The following RHOBTB3 variants were observed in gnomAD, a reference collection of about 807,000 sequenced individuals.
RHOBTB3 encodes rho-related BTB domain-containing protein 3.
RHOBTB3 carries 47 observed loss-of-function variants against 67.2 expected under a neutral mutation model. The observed-to-expected ratio is 0.70, with a 90% CI of 0.55 to 0.89. The LOEUF (loss-of-function observed/expected upper bound fraction) is 0.89. Ranked by LOEUF, RHOBTB3 falls within the 40% of genes least tolerant of loss-of-function variation. The pLI, the probability that RHOBTB3 is intolerant of heterozygous loss-of-function variation, is 0.00. For missense variants in RHOBTB3, 631 were observed against 750.0 expected (o/e 0.84, Z 1.85); for synonymous variants, 273 against 274.2 (o/e 1.00, Z 0.04).
chr5:95,784,772 C>T (rs1487496349), intron 10 of RHOBTB3, among the ~76,000 whole-genome samples: 3 of 152,200 alleles, frequency 2.0e-5, no homozygotes, highest in South Asian at 2.1e-4. Context: ...CTTATTCCCA[C>T]TTTCTTTCAT....
At chr5:95,734,685 C>T (rs1181863356) in intron 2 of RHOBTB3, among the ~76,000 whole-genome samples, 3 of 152,144 alleles carry the variant, frequency 2.0e-5, no homozygotes, top group Non-Finnish European at 2.9e-5. Context: ...TTTCATTTCA[C>T]GTTTCTATAT....
chr5:95,756,982 G>A lies in RHOBTB3; in HGVS notation c.1048+1221G>A, dbSNP rs539851609. On this transcript the variant is annotated intron_variant, in intron 6 of 11. Coordinates refer to ENST00000379982, the MANE Select transcript of RHOBTB3 (RefSeq NM_014899.4). ...CTTAAAACCTAGCTATTCACTCTTCGGTTTGACTCTTAGGTTTTGTAGGGC... is the reference window on the plus strand; with the variant it reads ...CTTAAAACCTAGCTATTCACTCTTCAGTTTGACTCTTAGGTTTTGTAGGGC... 6.6e-5 allele frequency among the ~76,000 whole-genome samples: 10 copies of A among 152,188 alleles called. No individual in the cohort carries two copies. The South Asian group carries it at 1.0e-3, about 16-fold the overall frequency.
chr5:95,785,983 ACT>A (rs772897361), intron 10 of RHOBTB3, among the ~76,000 whole-genome samples: 2 of 151,806 alleles, frequency 1.3e-5, no homozygotes, highest in African/African-American at 4.8e-5. Context: ...CTGGTTTCTG[ACT>A]CTGTGATTAT....
At chr5:95,733,558 A>G (rs1481011499) in intron 2 of RHOBTB3, among the ~76,000 whole-genome samples, 1 of 152,222 alleles carries the variant, frequency 6.6e-6, no homozygotes, top group Non-Finnish European at 1.5e-5. Flanking sequence ...GTAAAATGAA[A>G]TCTTCCAAAT....
Position 95,723,168 on chromosome 5 carries a change from G to A in RHOBTB3, n.133+5403G>A, listed in dbSNP as rs570791975. 1.5e-4 allele frequency among the ~76,000 whole-genome samples: 22 copies of A among 151,648 alleles called. 1 individual carries two copies. The highest frequency in any genetic ancestry group is 2.1e-4 in the Non-Finnish European group (14 of 67,918). ...ACACATAAACTACACTAACACCAAC[G>A]ATAGCTGATGAACTTAAAAAAAAAA... On this transcript the variant is annotated intron_variant and non_coding_transcript_variant, in intron 1 of 5. Transcript: ENST00000504949.
intron 2 of RHOBTB3, 193 bp downstream of exon 2, chr5:95,732,277 T>C: frequency 3.2e-6 from 2 of 626,366 alleles, no homozygotes; most frequent in South Asian, 3.8e-5. Context: ...AGAACACTCT[T>C]AGGAAGATAG....
chr5:95,760,772 A>C (rs1230149055), intron 6 of RHOBTB3, among the ~76,000 whole-genome samples: 2 of 152,208 alleles, frequency 1.3e-5, no homozygotes, highest in East Asian at 3.8e-4. Flanking sequence ...CTGCTGTATG[A>C]CATTGTGCCT....
intron 3 of RHOBTB3, among the ~76,000 whole-genome samples, chr5:95,741,757 A>G (rs1195581815): frequency 6.6e-6 from 1 of 151,938 alleles, no homozygotes; most frequent in Non-Finnish European, 1.5e-5. Context: ...CAGGCCCTTT[A>G]GTTTGCATAA....
At chr5:95,784,221 A>G (rs1289104649) in intron 10 of RHOBTB3, among the ~76,000 whole-genome samples, 1 of 152,210 alleles carries the variant, frequency 6.6e-6, no homozygotes, top group Non-Finnish European at 1.5e-5. Flanking sequence ...GGCCCTTAGT[A>G]GAGTCATTTG....
intron 1 of RHOBTB3, chr5:95,719,794 T>C (rs569602237): frequency 1.3e-5 from 2 of 152,154 alleles, no homozygotes; most frequent in South Asian, 4.2e-4. Context: ...GAAGAGAAAA[T>C]TTTAGAAAAT....
intron 8 of RHOBTB3, among the ~76,000 whole-genome samples, chr5:95,778,818 C>T (rs1400001815): frequency 6.6e-6 from 1 of 152,214 alleles, no homozygotes; most frequent in Non-Finnish European, 1.5e-5. Context: ...ACTGGTCCTT[C>T]CCGGTGGAGG....
chr5:95,735,177 TG>T, intron 2 of RHOBTB3, among the ~76,000 whole-genome samples: 1 of 152,232 alleles, frequency 6.6e-6, no homozygotes, highest in Non-Finnish European at 1.5e-5. Context: ...TTTTCTGCAC[TG>T]TGTCCCACTT....
At chr5:95,733,141 GCT>G (rs747416517) in intron 2 of RHOBTB3, among the ~76,000 whole-genome samples, 52 of 152,268 alleles carry the variant, frequency 3.4e-4, no homozygotes, top group Non-Finnish European at 6.3e-4. Context: ...AAGATCACTC[GCT>G]CGTGTAAGTT....
intron 8 of RHOBTB3, among the ~76,000 whole-genome samples, chr5:95,779,684 G>A (rs1366788623): frequency 1.3e-5 from 2 of 152,130 alleles, no homozygotes; most frequent in Admixed American, 1.3e-4. Context: ...AGACTGCAGG[G>A]ATTAAGGTCA....
In RHOBTB3 at chr5:95,794,854, G is replaced by C. The variant is rs1363374901; in HGVS notation, c.*1680G>C. 1 of 152,174 alleles carries C rather than the reference G, an allele frequency of 6.6e-6. No homozygotes were observed. Among genetic ancestry groups the C allele is most frequent in the Non-Finnish European group, 1.5e-5 (1 of 68,050 alleles). 9.4% of individuals were successfully genotyped at this position (152,174 alleles called of 1,614,324 possible). ...ATGGTGGCTCAGGCCTGTAATCCCA[G>C]CATTTTGGGAGGCTGAGGCAAGTGG... On this transcript the variant is annotated 3_prime_UTR_variant, in exon 12 of 12. Coordinates refer to ENST00000379982, the MANE Select transcript of RHOBTB3 (RefSeq NM_014899.4).
intron 8 of RHOBTB3, chr5:95,770,463 G>T: frequency 3.4e-6 from 1 of 291,554 alleles, no homozygotes. Context: ...AGGTGTTGAA[G>T]GATCTTTGGT....
At chr5:95,735,179 T>A (rs1472842956) in intron 2 of RHOBTB3, among the ~76,000 whole-genome samples, 1 of 152,050 alleles carries the variant, frequency 6.6e-6, no homozygotes, top group Non-Finnish European at 1.5e-5. Flanking sequence ...TTCTGCACTG[T>A]GTCCCACTTC....
At position 95,795,973 on chromosome 5, in the gene RHOBTB3, T is replaced by C. The variant is rs1746551693; in HGVS notation, c.*2799T>C. 6.6e-6 allele frequency: 1 copy of C among 152,246 alleles called. No homozygotes were observed. The highest frequency in any genetic ancestry group is 1.5e-5 in the Non-Finnish European group (1 of 68,044). The allele number at this position is 152,246 out of a possible 1,614,324, so 9.4% of individuals were successfully genotyped here. On this transcript the variant is annotated 3_prime_UTR_variant, in exon 12 of 12. Coordinates refer to ENST00000379982, the MANE Select transcript of RHOBTB3 (RefSeq NM_014899.4). ...TCTTTACCCTATTTAACCCTTTGTA[T>C]ATTTCTGACTGCTCACTGTTCATAT...
chr5:95,776,083 A>G (rs1745870233), intron 8 of RHOBTB3, among the ~76,000 whole-genome samples: 1 of 152,220 alleles, frequency 6.6e-6, no homozygotes, highest in Non-Finnish European at 1.5e-5. Flanking sequence ...TTGGAATAAT[A>G]ATTTAAAAAT....
Sources: gnomAD v4.1 joint callset for allele counts (sites outside exome capture counted in the v4.1 genomes callset) on GRCh38, gnomAD v4.1.1 for gene constraint, MANE v1.5 for transcripts, NCBI Gene and HGNC (gene_info 2026-07-23, HGNC 2026-07-21) for gene names.